PSTPIP2: variants seen among roughly 807,000 people sequenced by gnomAD.
PSTPIP2 encodes proline-serine-threonine phosphatase-interacting protein 2.
In PSTPIP2, 33 loss-of-function variants were observed where a neutral mutation model predicts 63.3. The ratio of observed to expected loss-of-function variants is 0.52; its 90% CI spans 0.40 to 0.70. The LOEUF is 0.70. PSTPIP2 is among the 30% of genes least tolerant of loss of function. The pLI, the probability that PSTPIP2 is intolerant of heterozygous loss-of-function variation, is 0.00. For synonymous variants in PSTPIP2, 125 were observed against 132.7 expected (o/e 0.94, Z 0.40); for missense variants, 312 against 400.7 (o/e 0.78, Z 1.89).
chr18:45,995,069 G>GT (rs60491528), intron 9 of PSTPIP2, among the ~76,000 whole-genome samples: 26,794 of 151,862 alleles, frequency 0.18, 2,765 homozygotes, highest in East Asian at 0.41. Context: ...GTTTTGTTTT[G>GT]TTTTTTATGG....
At chr18:45,992,288 C>A (rs375064136) in intron 10 of PSTPIP2, 86 bp from the exon 11 acceptor site, 1 of 1,135,758 alleles carries the variant, frequency 8.8e-7, no homozygotes, top group East Asian at 2.6e-5. Context: ...TGAGGCGGGG[C>A]GCAGTGGCTC....
At chr18:46,001,195 G>C (rs1053030659) in intron 6 of PSTPIP2, among the ~76,000 whole-genome samples, 1 of 152,262 alleles carries the variant, frequency 6.6e-6, no homozygotes. Context: ...GGCTGTACTA[G>C]TTTACATTCC....
chr18:46,028,299 C>G (rs762418300), intron 2 of PSTPIP2: 2 of 458,620 alleles, frequency 4.4e-6, no homozygotes, highest in Non-Finnish European at 8.6e-6. Flanking sequence ...AGCGTTAGCC[C>G]GGAACGAGGG....
chr18:46,038,127 C>T (rs1208831731), intron 2 of PSTPIP2, among the ~76,000 whole-genome samples: 2 of 152,150 alleles, frequency 1.3e-5, no homozygotes, highest in African/African-American at 4.8e-5. Flanking sequence ...GTGGTGCAAT[C>T]AGAGCTCACT....
intron 5 of PSTPIP2, among the ~76,000 whole-genome samples, chr18:46,010,200 T>C (rs1386753508): frequency 6.6e-6 from 1 of 152,208 alleles, no homozygotes; most frequent in Non-Finnish European, 1.5e-5. Context: ...GCAAAGTTGC[T>C]GAGACTGAGG....
intron 3 of PSTPIP2, among the ~76,000 whole-genome samples, chr18:46,021,161 G>A (rs1452744816): frequency 6.6e-6 from 1 of 152,116 alleles, no homozygotes; most frequent in East Asian, 1.9e-4. Context: ...CCTTGGACGT[G>A]CAAATGTTTT....
At chr18:46,008,654 G>A (rs187015834) in intron 5 of PSTPIP2, among the ~76,000 whole-genome samples, 1 of 152,018 alleles carries the variant, frequency 6.6e-6, no homozygotes, top group East Asian at 1.9e-4. Flanking sequence ...TAACCACGGA[G>A]GTTCCTTTCT....
chr18:46,013,121 G>GA (rs1356911574), intron 4 of PSTPIP2, among the ~76,000 whole-genome samples: 10 of 151,068 alleles, frequency 6.6e-5, no homozygotes, highest in Non-Finnish European at 8.8e-5. Context: ...TATTTTTTTA[G>GA]AAAAAAAGAA....
intron 3 of PSTPIP2, among the ~76,000 whole-genome samples, chr18:46,021,513 A>G (rs901194506): frequency 3.0e-4 from 46 of 151,840 alleles, no homozygotes; most frequent in African/African-American, 1.1e-3. Flanking sequence ...AAATATAAAC[A>G]TAAAATTTTA....
chr18:46,034,743 C>A (rs1725137913), intron 2 of PSTPIP2, among the ~76,000 whole-genome samples: 1 of 152,158 alleles, frequency 6.6e-6, no homozygotes, highest in Non-Finnish European at 1.5e-5. Context: ...TGAACTTAGG[C>A]AAGTTCCATA....
At chr18:46,023,397 C>G (rs898660926) in intron 3 of PSTPIP2, among the ~76,000 whole-genome samples, 3 of 152,020 alleles carry the variant, frequency 2.0e-5, no homozygotes, top group African/African-American at 7.2e-5. Flanking sequence ...CTCTTCTCTA[C>G]TAAAATACAA....
At chr18:46,041,975 T>C (rs181522404) in intron 1 of PSTPIP2, among the ~76,000 whole-genome samples, 1 of 152,264 alleles carries the variant, frequency 6.6e-6, no homozygotes, top group African/African-American at 2.4e-5. Flanking sequence ...AGAATTTCTC[T>C]CTTCCATTTG....
chr18:45,995,356 G>A (rs2144063810), intron 9 of PSTPIP2, among the ~76,000 whole-genome samples: 1 of 152,254 alleles, frequency 6.6e-6, no homozygotes, highest in African/African-American at 2.4e-5. Flanking sequence ...ACCCGCATCA[G>A]CCTCTGAAAG....
At chr18:46,050,963 A>G (rs778740799) in intron 1 of PSTPIP2, among the ~76,000 whole-genome samples, 1 of 151,990 alleles carries the variant, frequency 6.6e-6, no homozygotes, top group African/African-American at 2.4e-5. Context: ...CCTAGGTTCA[A>G]GCCATTCTCC....
At chr18:45,995,014 T>C (rs1299612623) in intron 9 of PSTPIP2, among the ~76,000 whole-genome samples, 2 of 152,244 alleles carry the variant, frequency 1.3e-5, no homozygotes. Context: ...CTTCCCCAGA[T>C]AGCCATTATC....
intron 2 of PSTPIP2, among the ~76,000 whole-genome samples, chr18:46,032,395 C>G (rs745367927): frequency 6.6e-6 from 1 of 152,124 alleles, no homozygotes; most frequent in African/African-American, 2.4e-5. Flanking sequence ...ACCCCAACTC[C>G]CTTTGACCTC....
intron 6 of PSTPIP2, among the ~76,000 whole-genome samples, chr18:46,004,690 T>C (rs1037593454): frequency 2.6e-5 from 4 of 152,202 alleles, no homozygotes; most frequent in African/African-American, 9.7e-5. Flanking sequence ...CCTGTTGCAT[T>C]TCCACTATCT....
chr18:46,008,886 C>A (rs901318388), intron 5 of PSTPIP2, among the ~76,000 whole-genome samples: 2 of 152,146 alleles, frequency 1.3e-5, no homozygotes, highest in South Asian at 2.1e-4. Flanking sequence ...TGCCAACCCC[C>A]TGGGGTGAGT....
At chr18:46,010,257 C>T (rs1462340190) in intron 5 of PSTPIP2, among the ~76,000 whole-genome samples, 5 of 152,176 alleles carry the variant, frequency 3.3e-5, no homozygotes, top group Admixed American at 3.3e-4. Flanking sequence ...CAGATATGCT[C>T]ATTGCAGACA....
Sources: gnomAD v4.1 joint callset for allele counts (sites outside exome capture counted in the v4.1 genomes callset) on GRCh38, gnomAD v4.1.1 for gene constraint, MANE v1.5 for transcripts, NCBI Gene and HGNC (gene_info 2026-07-23, HGNC 2026-07-21) for gene names.